The following SLC35F2 variants were observed in gnomAD, a reference collection of about 807,000 sequenced individuals.
The protein encoded by SLC35F2 is solute carrier family 35 member F2.
SLC35F2 carries 25 observed loss-of-function variants against 38.1 expected under a neutral mutation model. That is an observed-to-expected ratio of 0.66 (90% confidence interval 0.48 to 0.92). SLC35F2 has a LOEUF of 0.92. SLC35F2 is among the 40% of genes least tolerant of loss of function. The pLI is 0.00. For synonymous variants in SLC35F2, 173 were observed against 181.7 expected (o/e 0.95, Z 0.38); for missense variants, 409 against 452.9 (o/e 0.90, Z 0.88).
intron 6 of SLC35F2, among the ~76,000 whole-genome samples, chr11:107,803,971 G>T (rs964414349): frequency 3.3e-5 from 5 of 149,810 alleles, no homozygotes; most frequent in Non-Finnish European, 7.4e-5. Flanking sequence ...GATTATAGGC[G>T]CCCGCCACCA....
intron 1 of SLC35F2, among the ~76,000 whole-genome samples, chr11:107,844,117 G>A (rs916375888): frequency 6.6e-6 from 1 of 151,928 alleles, no homozygotes; most frequent in Non-Finnish European, 1.5e-5. Context: ...CCCAAGGTCT[G>A]TTTTTTGTTT....
intron 1 of SLC35F2, among the ~76,000 whole-genome samples, chr11:107,847,180 T>A (rs1308912067): frequency 6.6e-6 from 1 of 152,120 alleles, no homozygotes; most frequent in Non-Finnish European, 1.5e-5. Context: ...GTAGCTAGGA[T>A]TATAGGCCTA....
intron 1 of SLC35F2, among the ~76,000 whole-genome samples, chr11:107,851,993 G>C (rs1159598657): frequency 1.3e-5 from 2 of 152,194 alleles, no homozygotes; most frequent in Non-Finnish European, 2.9e-5. Context: ...ATTGGATAAA[G>C]TCTGCACAGT....
chr11:107,822,440 T>A (rs909676683), intron 1 of SLC35F2, among the ~76,000 whole-genome samples: 1 of 152,190 alleles, frequency 6.6e-6, no homozygotes, highest in Non-Finnish European at 1.5e-5. Context: ...CAAAGTTCAA[T>A]GGTTGTTAAT....
intron 1 of SLC35F2, among the ~76,000 whole-genome samples, chr11:107,829,124 G>GAA (rs1252104414): frequency 7.6e-5 from 9 of 118,604 alleles, no homozygotes; most frequent in African/African-American, 2.5e-4. Context: ...AGGTCAGTAG[G>GAA]AAAAAAAAAA....
At position 107,792,559 on chromosome 11, in the gene SLC35F2, G is replaced by T; in HGVS notation, c.*56C>A. On this transcript the variant is annotated 3_prime_UTR_variant, in exon 8 of 8. Coordinates refer to ENST00000525815, the MANE Select transcript of SLC35F2 (RefSeq NM_017515.5). ...TGCTATTTCCCCAAGTGTCCCCTCA[G>T]CAGGCAGCAGGCTCTGCTTTATCCT... is the stretch of plus-strand genomic sequence containing the variant. 6.5e-7 allele frequency: 1 copy of T among 1,532,046 alleles called. No homozygotes were observed. The highest frequency in any genetic ancestry group is 8.8e-7 in the Non-Finnish European group (1 of 1,139,280). The allele number at this position is 1,532,046 out of a possible 1,614,324, so 94.9% of individuals were successfully genotyped here. A position where few individuals can be genotyped will look rare whatever the true frequency, so the allele number is the denominator to read the frequency against.
At chr11:107,821,638 A>G (rs1253941102) in intron 1 of SLC35F2, 2 of 984,526 alleles carry the variant, frequency 2.0e-6, no homozygotes, top group Non-Finnish European at 2.4e-6. Flanking sequence ...CCTCTATACC[A>G]TAACAAAACC....
At chr11:107,835,308 G>A (rs1411869061) in intron 1 of SLC35F2, among the ~76,000 whole-genome samples, 1 of 152,118 alleles carries the variant, frequency 6.6e-6, no homozygotes, top group Non-Finnish European at 1.5e-5. Flanking sequence ...TTTTTCAAGA[G>A]AGGACTTTGC....
At chr11:107,838,117 C>T (rs1859958698) in intron 1 of SLC35F2, among the ~76,000 whole-genome samples, 1 of 152,104 alleles carries the variant, frequency 6.6e-6, no homozygotes, top group Non-Finnish European at 1.5e-5. Context: ...TGCCCAATAT[C>T]ACACAACTAG....
intron 1 of SLC35F2, among the ~76,000 whole-genome samples, chr11:107,854,249 T>G (rs1860240348): frequency 1.4e-5 from 2 of 145,878 alleles, no homozygotes; most frequent in South Asian, 4.5e-4. Flanking sequence ...CTGGGCAACA[T>G]GGTGAAACCC....
chr11:107,838,587 A>G (rs2134837116), intron 1 of SLC35F2, among the ~76,000 whole-genome samples: 1 of 146,170 alleles, frequency 6.8e-6, no homozygotes, highest in Non-Finnish European at 1.5e-5. Flanking sequence ...GGCCTCCCAA[A>G]GTGCTGGGAT....
Position 107,850,947 on chromosome 11 carries a change from C to T in SLC35F2, c.110+7711G>A, listed in dbSNP as rs182093242. Among the ~76,000 whole-genome samples the T allele has an allele frequency of 2.4e-3, 367 of 151,058 alleles. 2 individuals are homozygous for T. The Middle Eastern group carries it at 0.035, about 14-fold the overall frequency. On this transcript the variant is annotated intron_variant, in intron 1 of 7. Coordinates refer to ENST00000525815, the MANE Select transcript of SLC35F2 (RefSeq NM_017515.5). Reference sequence around the variant, plus strand: ...TGGATCACCTGAGGTTGGGAATTCGCGACTAGCCTGGCCAACATGGTGAAA... The same window carrying T: ...TGGATCACCTGAGGTTGGGAATTCGTGACTAGCCTGGCCAACATGGTGAAA...
chr11:107,836,153 A>G (rs1859926701), intron 1 of SLC35F2, among the ~76,000 whole-genome samples: 1 of 152,236 alleles, frequency 6.6e-6, no homozygotes, highest in South Asian at 2.1e-4. Context: ...AACACTGAGT[A>G]TGTGTAAAAG....
intron 7 of SLC35F2, among the ~76,000 whole-genome samples, chr11:107,802,697 C>T (rs12577389): frequency 0.061 from 9,348 of 152,254 alleles, 694 homozygotes; most frequent in East Asian, 0.28. Flanking sequence ...TCAAGGTCAA[C>T]AGCAGCTCTG....
At chr11:107,805,823 C>A (rs1859382075) in intron 4 of SLC35F2, 1 of 218,228 alleles carries the variant, frequency 4.6e-6, no homozygotes, top group Admixed American at 6.5e-5. Flanking sequence ...ATTACAGGCA[C>A]CCTCCATCAT....
intron 1 of SLC35F2, among the ~76,000 whole-genome samples, chr11:107,826,574 G>A (rs1859757834): frequency 1.3e-5 from 2 of 152,104 alleles, no homozygotes; most frequent in Admixed American, 1.3e-4. Context: ...TTGTGTATAG[G>A]GAGGACAGCA....
chr11:107,791,431 G>GCAT lies in SLC35F2; in HGVS notation c.*1181_*1183dup, dbSNP rs1859129382. On this transcript the variant is annotated 3_prime_UTR_variant, in exon 8 of 8. Coordinates refer to ENST00000525815, the MANE Select transcript of SLC35F2 (RefSeq NM_017515.5). ...TCGTGAGAAGTTTTTAGAAAGGATG[G>GCAT]CATCTACATATATATGGAGCTCTGA... is the stretch of plus-strand genomic sequence containing the variant. 1 of 152,148 alleles carries GCAT rather than the reference G, an allele frequency of 6.6e-6. No individual in the cohort carries two copies. Among genetic ancestry groups the GCAT allele is most frequent in the African/African-American group, 2.4e-5 (1 of 41,436 alleles). 9.4% of individuals were successfully genotyped at this position (152,148 alleles called of 1,614,324 possible). A position where few individuals can be genotyped will look rare whatever the true frequency, so the allele number is the denominator to read the frequency against.
chr11:107,816,194 C>T (rs1859571377), intron 1 of SLC35F2: 5 of 985,302 alleles, frequency 5.1e-6, no homozygotes, highest in Non-Finnish European at 4.8e-6. Flanking sequence ...AGCATATTCC[C>T]CCATTTCACT....
chr11:107,821,800 CACTGGGGGCCAGGCT>C (rs1412994399), intron 1 of SLC35F2, among the ~76,000 whole-genome samples: 2 of 152,218 alleles, frequency 1.3e-5, no homozygotes, highest in Admixed American at 1.3e-4. Flanking sequence ...GGCAGCTTCA[CACTGGGGGCCAGGCT>C]ACCAGAATAC....
Sources: allele counts gnomAD v4.1 joint callset (sites outside exome capture counted in the v4.1 genomes callset), GRCh38; gene constraint gnomAD v4.1.1; transcripts MANE v1.5; gene names NCBI Gene and HGNC (gene_info 2026-07-23, HGNC 2026-07-21).